ARID4A: variants seen among roughly 807,000 people sequenced by gnomAD.
ARID4A encodes the protein AT-rich interaction domain 4A.
ARID4A carries 39 observed loss-of-function variants against 148.6 expected under a neutral mutation model. The observed-to-expected ratio is 0.26, with a 90% CI of 0.20 to 0.34. ARID4A has a LOEUF of 0.34. Ranked by LOEUF, ARID4A falls within the 10% of genes least tolerant of loss-of-function variation. The pLI is 1.00. For synonymous variants in ARID4A, 475 were observed against 481.2 expected (o/e 0.99, Z 0.17); for missense variants, 1,265 against 1,449.1 (o/e 0.87, Z 2.06).
chr14:58,342,308 C>A lies in ARID4A; in HGVS notation c.907-2387C>A, dbSNP rs75525197. 8.2e-3 allele frequency among the ~76,000 whole-genome samples: 1,244 copies of A among 152,082 alleles called. 13 individuals carry two copies. The highest frequency in any genetic ancestry group is 8.5e-3 in the Non-Finnish European group (575 of 67,960). ...AAGGCATTTGTTTGTAAGTAGAATT[C>A]TTTATTCATTTATATCTTGTTTAAC... On this transcript the variant is annotated intron_variant, in intron 11 of 23. Transcript: ENST00000355431.
intron 17 of ARID4A, among the ~76,000 whole-genome samples, chr14:58,357,334 A>G (rs1303570661): frequency 6.6e-6 from 1 of 152,232 alleles, no homozygotes; most frequent in African/African-American, 2.4e-5. Flanking sequence ...TGGCATCATA[A>G]GTAAAGGAGC....
intron 11 of ARID4A, among the ~76,000 whole-genome samples, chr14:58,340,949 T>A (rs1175313691): frequency 1.3e-5 from 2 of 152,252 alleles, no homozygotes; most frequent in Non-Finnish European, 2.9e-5. Context: ...ACATGAGTAA[T>A]GTCTAAACTA....
At chr14:58,337,497 T>C (rs2033892700) in intron 11 of ARID4A, among the ~76,000 whole-genome samples, 1 of 151,830 alleles carries the variant, frequency 6.6e-6, no homozygotes, top group Non-Finnish European at 1.5e-5. Flanking sequence ...TTGTAGTAAA[T>C]TACTCTTTGA....
At chr14:58,351,564 G>A (rs2034638412) in intron 16 of ARID4A, 4 of 354,890 alleles carry the variant, frequency 1.1e-5, no homozygotes, top group Non-Finnish European at 2.0e-5. Flanking sequence ...AGAAGGCTGC[G>A]CCACCCAGTC....
intron 11 of ARID4A, among the ~76,000 whole-genome samples, chr14:58,343,492 T>G (rs2034212006): frequency 6.6e-6 from 1 of 152,194 alleles, no homozygotes; most frequent in Non-Finnish European, 1.5e-5. Flanking sequence ...ACTCAACATT[T>G]ATTGCTTGAG....
At position 58,301,456 on chromosome 14, in the gene ARID4A, A is replaced by G. The variant is rs537034416; in HGVS notation, c.7-124A>G. The G allele has an allele frequency of 5.2e-5, 29 of 558,256 alleles. No individual in the cohort carries two copies. The South Asian group carries it at 7.6e-4, about 15-fold the overall frequency. 34.6% of individuals were successfully genotyped at this position (558,256 alleles called of 1,614,324 possible). On this transcript the variant is annotated intron_variant, in intron 2 of 23. Transcript: ENST00000355431. ...ATTTAGGGTATTTTTCAAATTTTCA[A>G]TGATATTAATAAGCAAGTCATTTTA...
Position 58,344,719 on chromosome 14 carries a change from G to T in ARID4A, c.931G>T (p.Glu311Ter), listed in dbSNP as rs1420058159. 1 of 1,613,036 alleles carries T rather than the reference G, an allele frequency of 6.2e-7. No individual in the cohort carries two copies. Among genetic ancestry groups the T allele is most frequent in the Non-Finnish European group, 8.5e-7 (1 of 1,179,404 alleles). The change falls in exon 12 of 24, where the codon GAG becomes TAG. Residue 311 changes from glutamate (E) to a stop codon, truncating the protein, a stop_gained. Coordinates refer to ENST00000355431, the MANE Select transcript of ARID4A (RefSeq NM_002892.4). LOFTEE classifies it high-confidence loss of function. ...EVPEEELDPE[E>*]RDNFLQQLYK... Reference sequence around the variant, plus strand: ...GCCTGAGGAAGAACTTGATCCTGAAGAGAGGGACAACTTCCTCCAGCAGCT... The same window carrying T: ...GCCTGAGGAAGAACTTGATCCTGAATAGAGGGACAACTTCCTCCAGCAGCT...
intron 16 of ARID4A, 135 bp downstream of exon 16, chr14:58,351,458 A>G: frequency 8.3e-7 from 1 of 1,199,972 alleles, no homozygotes; most frequent in Non-Finnish European, 1.2e-6. Context: ...TGAAGGTGAG[A>G]CACATTGTGA....
intron 15 of ARID4A, among the ~76,000 whole-genome samples, chr14:58,348,677 T>A (rs1193209991): frequency 6.6e-6 from 1 of 152,248 alleles, no homozygotes; most frequent in Middle Eastern, 3.2e-3. Context: ...AGAAGTTTAA[T>A]TACTATGTCT....
At chr14:58,306,460 A>T (rs1482330062) in intron 5 of ARID4A, among the ~76,000 whole-genome samples, 1 of 152,248 alleles carries the variant, frequency 6.6e-6, no homozygotes, top group Non-Finnish European at 1.5e-5. Flanking sequence ...CATATTTTAT[A>T]CAAGGGTAAT....
At position 58,339,242 on chromosome 14, in the gene ARID4A, G is replaced by A. The variant is rs2033989129; in HGVS notation, c.907-5453G>A. ...TCCTCCTGCCTGGCCCTCCCAAAGT[G>A]CTAGGATTACAGGCAGGAGCCACTG... On this transcript the variant is annotated intron_variant, in intron 11 of 23. Coordinates refer to ENST00000355431, the MANE Select transcript of ARID4A (RefSeq NM_002892.4). Among the ~76,000 whole-genome samples, 3 of 151,892 alleles carry A rather than the reference G, an allele frequency of 2.0e-5. No homozygotes were observed. The South Asian group carries it at 6.2e-4, about 32-fold the overall frequency.
rs1185830870 is a variant in ARID4A, at chr14:58,351,247, C to A, written c.1579C>A (p.Gln527Lys). ...LLLGRKNTPK[Q>K]KEKKIKKQED... Reference sequence around the variant, plus strand: ...ACTGGGGAGAAAAAATACACCAAAGCAAAAAGAGAAGAAAATTAAAAAACA... The same window carrying A: ...ACTGGGGAGAAAAAATACACCAAAGAAAAAAGAGAAGAAAATTAAAAAACA... The change falls in exon 16 of 24, where the codon CAA becomes AAA. Residue 527 changes from glutamine (Q) to lysine (K), a missense_variant. Gln to Lys is a moderately conservative substitution (Grantham distance 53). This residue lies in a region of ARID4A where 205 missense variants were observed against 196.9 expected (regional missense o/e 1.04). Coordinates refer to ENST00000355431, the MANE Select transcript of ARID4A (RefSeq NM_002892.4). 1 of 1,611,136 alleles carries A rather than the reference C, an allele frequency of 6.2e-7. No individual in the cohort carries two copies. The highest frequency in any genetic ancestry group is 8.5e-7 in the Non-Finnish European group (1 of 1,179,330).
intron 12 of ARID4A, among the ~76,000 whole-genome samples, 170 bp downstream of exon 12, chr14:58,344,937 C>T (rs1029627720): frequency 1.7e-4 from 26 of 152,052 alleles, no homozygotes; most frequent in African/African-American, 6.0e-4. Flanking sequence ...CAGTGATTTG[C>T]TCCTGGCTTA....
chr14:58,338,964 C>CT (rs35408179), intron 11 of ARID4A, among the ~76,000 whole-genome samples: 13,336 of 83,838 alleles, frequency 0.16, 1,436 homozygotes, highest in African/African-American at 0.22. Flanking sequence ...ATTATTAAAA[C>CT]TTTTTTTTTT....
intron 8 of ARID4A, among the ~76,000 whole-genome samples, chr14:58,327,751 A>G (rs972708534): frequency 6.9e-4 from 105 of 152,004 alleles, no homozygotes; most frequent in African/African-American, 2.5e-3. Context: ...GGCTCACCGC[A>G]GCCTCCACCT....
Position 58,351,154 on chromosome 14 carries a change from A to G in ARID4A, c.1486A>G (p.Asn496Asp), listed in dbSNP as rs754714959. ...EEKTEDKLKD[N>D]DTENKDVDDD... is the part of the protein sequence containing the mutation. Reference sequence around the variant, plus strand: ...GAAAACAGAAGACAAATTAAAAGATAATGATACAGAAAATAAGGATGTAGA... The same window carrying G: ...GAAAACAGAAGACAAATTAAAAGATGATGATACAGAAAATAAGGATGTAGA... Residue 496 changes from asparagine to aspartate, a missense_variant, in exon 16 of 24, where the codon AAT (asparagine) becomes GAT (aspartate). Around this residue, in one of 9 missense-constraint regions of ARID4A, gnomAD observed 205 missense variants for 196.9 expected, o/e 1.04. Transcript: ENST00000355431. 7 of 1,608,848 alleles carry G rather than the reference A, an allele frequency of 4.4e-6. No individual in the cohort carries two copies. The highest frequency in any genetic ancestry group is 2.2e-5 in the East Asian group (1 of 44,850).
chr14:58,349,121 T>C (rs1190982), intron 15 of ARID4A, among the ~76,000 whole-genome samples: 103,617 of 152,064 alleles, frequency 0.68, 35,576 homozygotes, highest in Middle Eastern at 0.83. Context: ...TGTCCTTTTT[T>C]ACTGGCTTAT....
chr14:58,302,188 T>C (rs2140129318), intron 3 of ARID4A, among the ~76,000 whole-genome samples: 1 of 152,104 alleles, frequency 6.6e-6, no homozygotes, highest in South Asian at 2.1e-4. Context: ...CGAAACCCTG[T>C]CTCTACTAAA....
chr14:58,351,688 GAAAGCTAACA>G (rs1368445581), intron 16 of ARID4A: 1 of 179,120 alleles, frequency 5.6e-6, no homozygotes. Flanking sequence ...TACAATGTGG[GAAAGCTAACA>G]AACACATGGG....
Sources: allele counts gnomAD v4.1 joint callset (sites outside exome capture counted in the v4.1 genomes callset), GRCh38; gene constraint gnomAD v4.1.1; regional missense constraint gnomAD v4.1.1; transcripts MANE v1.5; gene names NCBI Gene and HGNC (gene_info 2026-07-23, HGNC 2026-07-21).